Variants in LINC00305 observed in about 807,000 individuals in gnomAD.
LINC00305 encodes long intergenic non-protein coding RNA 305.
chr18:64,128,208 A>G (rs2051393676), intron 1 of LINC00305, among the ~76,000 whole-genome samples: 1 of 152,152 alleles, frequency 6.6e-6, no homozygotes, highest in East Asian at 1.9e-4. Context: ...AGAAAAGGTG[A>G]TTCTCTGGAA....
At chr18:64,098,044 A>G (rs987153725) in intron 2 of LINC00305, 1 of 455,536 alleles carries the variant, frequency 2.2e-6, no homozygotes, top group Non-Finnish European at 4.4e-6. Context: ...ACAACTAACC[A>G]ACAACAAAAT....
At chr18:64,139,140 C>T (rs1192690245) in intron 1 of LINC00305, among the ~76,000 whole-genome samples, 5 of 152,230 alleles carry the variant, frequency 3.3e-5, no homozygotes, top group African/African-American at 1.2e-4. Flanking sequence ...AATTCCAAAT[C>T]AAGTCTGAAA....
chr18:64,113,709 C>T (rs963226799), intron 1 of LINC00305, among the ~76,000 whole-genome samples: 1 of 152,200 alleles, frequency 6.6e-6, no homozygotes, highest in Non-Finnish European at 1.5e-5. Flanking sequence ...TAATACTCAA[C>T]CTCAGCAGTA....
At chr18:64,096,172 CATA>C (rs1202154511) in intron 3 of LINC00305, among the ~76,000 whole-genome samples, 2 of 151,920 alleles carry the variant, frequency 1.3e-5, no homozygotes, top group African/African-American at 4.8e-5. Flanking sequence ...AATCTTTATG[CATA>C]ATAACATAAA....
chr18:64,143,641 GTATA>G (rs1428130288), intron 1 of LINC00305, among the ~76,000 whole-genome samples: 9 of 134,764 alleles, frequency 6.7e-5, no homozygotes, highest in Admixed American at 4.2e-4. Flanking sequence ...CACGTATTAT[GTATA>G]CATATGTATG....
chr18:64,125,287 C>T (rs1324330546), intron 1 of LINC00305, among the ~76,000 whole-genome samples: 2 of 152,080 alleles, frequency 1.3e-5, no homozygotes, highest in East Asian at 1.9e-4. Context: ...CAGTGATTCC[C>T]TGGGCATCTG....
intron 1 of LINC00305, among the ~76,000 whole-genome samples, chr18:64,132,706 C>T (rs2051415381): frequency 6.6e-6 from 1 of 152,158 alleles, no homozygotes; most frequent in Non-Finnish European, 1.5e-5. Flanking sequence ...CTGGGCCCAA[C>T]CTGACCTCTC....
chr18:64,143,006 T>C (rs928641899), intron 1 of LINC00305, among the ~76,000 whole-genome samples: 9 of 152,130 alleles, frequency 5.9e-5, no homozygotes, highest in African/African-American at 2.2e-4. Flanking sequence ...AATCATTGCA[T>C]ATTTTAAAGG....
At chr18:64,096,299 CT>C (rs1467412236) in intron 3 of LINC00305, among the ~76,000 whole-genome samples, 5 of 148,564 alleles carry the variant, frequency 3.4e-5, no homozygotes, top group African/African-American at 1.3e-4. Flanking sequence ...CAACAAAAAT[CT>C]TAAAAATCTT....
chr18:64,115,890 C>T (rs887331517), intron 1 of LINC00305, among the ~76,000 whole-genome samples: 8 of 152,100 alleles, frequency 5.3e-5, no homozygotes, highest in Admixed American at 2.0e-4. Context: ...AGATAGCATC[C>T]GTATCTCCCA....
chr18:64,148,695 A>G (rs1321161839), intron 1 of LINC00305: 2 of 152,326 alleles, frequency 1.3e-5, no homozygotes, highest in Non-Finnish European at 2.9e-5. Flanking sequence ...TACAGTGGCC[A>G]TAAGGTGGCT....
chr18:64,121,905 T>C (rs1266943550), intron 1 of LINC00305, among the ~76,000 whole-genome samples: 2 of 152,144 alleles, frequency 1.3e-5, no homozygotes, highest in Admixed American at 6.6e-5. Context: ...TAAGACGATA[T>C]TGTAGTTTTA....
chr18:64,145,901 A>G (rs1568121023), intron 1 of LINC00305, among the ~76,000 whole-genome samples: 1 of 152,174 alleles, frequency 6.6e-6, no homozygotes, highest in Non-Finnish European at 1.5e-5. Context: ...CTCTTTTTGT[A>G]GGGTCCACTT....
At chr18:64,104,932 G>T (rs1209156712) in intron 1 of LINC00305, among the ~76,000 whole-genome samples, 2 of 145,068 alleles carry the variant, frequency 1.4e-5, no homozygotes, top group Non-Finnish European at 3.1e-5. Flanking sequence ...CGGTGGTGGG[G>T]GCTGGAGGGT....
intron 1 of LINC00305, among the ~76,000 whole-genome samples, chr18:64,134,304 G>A (rs2051423065): frequency 6.6e-6 from 1 of 152,134 alleles, no homozygotes; most frequent in African/African-American, 2.4e-5. Flanking sequence ...GTTCTTATTA[G>A]CAGGAAAACA....
At position 64,144,130 on chromosome 18, in the gene LINC00305, CT is replaced by C. The variant is rs150179872; in HGVS notation, n.314+4644del. The stretch of plus-strand genomic sequence containing the variant: ...ACTGATTGGAAAAGAAGAAACTGGC[CT>C]TCTATTAATATCTACCTTGCTTATT... On this transcript the variant is annotated intron_variant and non_coding_transcript_variant, in intron 1 of 3. Transcript: ENST00000666468. Among the ~76,000 whole-genome samples the C allele has an allele frequency of 5.9e-3, 899 of 152,210 alleles. 7 individuals carry two copies. Among genetic ancestry groups the C allele is most frequent in the Non-Finnish European group, 9.4e-3 (639 of 68,004 alleles).
intron 3 of LINC00305, among the ~76,000 whole-genome samples, chr18:64,097,096 A>G (rs1325662735): frequency 1.3e-5 from 2 of 151,984 alleles, no homozygotes; most frequent in Admixed American, 6.6e-5. Flanking sequence ...TCTGGAAGGG[A>G]CTTTATAAAG....
chr18:64,107,042 T>C (rs1274258784), intron 1 of LINC00305, among the ~76,000 whole-genome samples: 1 of 152,182 alleles, frequency 6.6e-6, no homozygotes, highest in Non-Finnish European at 1.5e-5. Context: ...CCATAAAATA[T>C]TTTTCAAAAT....
chr18:64,134,028 T>C (rs2051421691), intron 1 of LINC00305, among the ~76,000 whole-genome samples: 1 of 152,230 alleles, frequency 6.6e-6, no homozygotes, highest in Non-Finnish European at 1.5e-5. Flanking sequence ...AAATATAGTT[T>C]TTAAGGTATT....
Sources: gnomAD v4.1 joint callset for allele counts (sites outside exome capture counted in the v4.1 genomes callset) on GRCh38, gnomAD v4.1.1 for gene constraint, MANE v1.5 for transcripts, NCBI Gene and HGNC (gene_info 2026-07-23, HGNC 2026-07-21) for gene names.